The following LMNTD1 variants were observed in gnomAD, a reference collection of about 807,000 sequenced individuals.
LMNTD1 encodes the protein lamin tail domain containing 1, also known as lamin tail domain-containing protein 1.
A neutral mutation model predicts 50.9 loss-of-function variants in LMNTD1; 35 were observed. The observed-to-expected ratio is 0.69, with a 90% CI of 0.53 to 0.91. The LOEUF (loss-of-function observed/expected upper bound fraction) is 0.91. Ranked by LOEUF, LMNTD1 falls within the 40% of genes least tolerant of loss-of-function variation. The pLI, the probability that LMNTD1 is intolerant of heterozygous loss-of-function variation, is 0.00. For missense variants in LMNTD1, 470 were observed against 475.5 expected (o/e 0.99, Z 0.11); for synonymous variants, 153 against 161.9 (o/e 0.94, Z 0.42).
chr12:25,476,826 A>G (rs1345633718), intron 9 of LMNTD1, among the ~76,000 whole-genome samples: 1 of 152,222 alleles, frequency 6.6e-6, no homozygotes, highest in African/African-American at 2.4e-5. Flanking sequence ...GCCCTGGATA[A>G]CTGACTAATG....
chr12:25,549,619 C>T, intron 2 of LMNTD1, 73 bp from the exon 3 acceptor site: 1 of 765,870 alleles, frequency 1.3e-6, no homozygotes, highest in Non-Finnish European at 2.0e-6. Flanking sequence ...GAAGCATGGG[C>T]TATTATTATT....
Position 25,513,344 on chromosome 12 carries a change from A to AG in LMNTD1, c.1189+5450dup, listed in dbSNP as rs1432497105. Among the ~76,000 whole-genome samples the AG allele has an allele frequency of 9.7e-4, 148 of 152,338 alleles. 1 individual carries two copies. The highest frequency in any genetic ancestry group is 1.5e-5 in the Non-Finnish European group (1 of 68,022). Reference sequence around the variant, plus strand: ...ATTTGTACACAATTACACAATACAGAGGGGAAAAAACAACCCATGTGGCCA... The same window carrying AG: ...ATTTGTACACAATTACACAATACAGAGGGGGAAAAAACAACCCATGTGGCCA... On this transcript the variant is annotated intron_variant, in intron 8 of 9. Transcript: ENST00000458174.
intron 4 of LMNTD1, among the ~76,000 whole-genome samples, chr12:25,534,985 A>G (rs181094091): frequency 1.3e-5 from 2 of 152,364 alleles, no homozygotes; most frequent in East Asian, 1.9e-4. Context: ...AAAATCCACA[A>G]TTTCTGACAT....
At chr12:25,553,662 A>G (rs1035367161), upstream of LMNTD1, among the ~76,000 whole-genome samples, 2 of 152,214 alleles carry the variant, frequency 1.3e-5, no homozygotes, top group African/African-American at 4.8e-5. Context: ...TAGAAATCAT[A>G]AAATCAAAGC....
chr12:25,529,272 C>T (rs1942048486), intron 4 of LMNTD1, among the ~76,000 whole-genome samples: 1 of 152,110 alleles, frequency 6.6e-6, no homozygotes, highest in Admixed American at 6.5e-5. Context: ...CCTCATTTAT[C>T]CTTATAGGTG....
At chr12:25,498,223 G>GTTTT (rs1939174090) in intron 9 of LMNTD1, among the ~76,000 whole-genome samples, 1 of 152,044 alleles carries the variant, frequency 6.6e-6, no homozygotes, top group Non-Finnish European at 1.5e-5. Flanking sequence ...GTAGAATAAG[G>GTTTT]ACTGAGGATG....
intron 4 of LMNTD1, among the ~76,000 whole-genome samples, chr12:25,535,567 A>G (rs1631452): frequency 0.67 from 101,904 of 151,886 alleles, 34,567 homozygotes; most frequent in Admixed American, 0.73. Context: ...TCTTAAAAGC[A>G]GAATATTTGT....
intron 1 of LMNTD1, among the ~76,000 whole-genome samples, chr12:25,627,894 G>A (rs1426124272): frequency 6.6e-6 from 1 of 151,844 alleles, no homozygotes; most frequent in Admixed American, 6.6e-5. Context: ...CGGATCACGA[G>A]GTCAGGAGAT....
intron 9 of LMNTD1, among the ~76,000 whole-genome samples, chr12:25,479,226 A>G (rs561967153): frequency 9.2e-5 from 14 of 152,296 alleles, no homozygotes; most frequent in Non-Finnish European, 1.6e-4. Flanking sequence ...TACTGGTGGA[A>G]GCATTCCTCC....
At chr12:25,493,553 T>C (rs555099912) in intron 9 of LMNTD1, among the ~76,000 whole-genome samples, 7 of 152,288 alleles carry the variant, frequency 4.6e-5, no homozygotes, top group African/African-American at 1.4e-4. Context: ...TCCTTTGTTC[T>C]GATTCTTTGA....
At chr12:25,624,770 A>G (rs1946550202) in intron 1 of LMNTD1, among the ~76,000 whole-genome samples, 1 of 152,198 alleles carries the variant, frequency 6.6e-6, no homozygotes, top group African/African-American at 2.4e-5. Flanking sequence ...GCTTAGGATT[A>G]ATTACATTTA....
At position 25,476,322 on chromosome 12, in the gene LMNTD1, C is replaced by G. The variant is rs888808983; in HGVS notation, c.*161G>C. The G allele has an allele frequency of 3.3e-5, 5 of 152,174 alleles. No individual in the cohort carries two copies. The highest frequency in any genetic ancestry group is 9.7e-5 in the African/African-American group (4 of 41,428). The allele number at this position is 152,174 out of a possible 1,614,324, so 9.4% of individuals were successfully genotyped here. ...ATAATTCACCAATTCTACAGCAATACAAATTTTGGATCCTTTTTCCATATA... is the reference window on the plus strand; with the variant it reads ...ATAATTCACCAATTCTACAGCAATAGAAATTTTGGATCCTTTTTCCATATA... On this transcript the variant is annotated 3_prime_UTR_variant, in exon 10 of 10. Coordinates refer to ENST00000458174, the MANE Select transcript of LMNTD1 (RefSeq NM_001145728.2).
chr12:25,592,286 C>T (rs1945724308), intron 1 of LMNTD1, among the ~76,000 whole-genome samples: 1 of 152,190 alleles, frequency 6.6e-6, no homozygotes, highest in Non-Finnish European at 1.5e-5. Flanking sequence ...TGAACTATTG[C>T]TCCAGAATGA....
intron 1 of LMNTD1, among the ~76,000 whole-genome samples, chr12:25,605,585 T>C (rs1946080548): frequency 6.6e-6 from 1 of 152,214 alleles, no homozygotes; most frequent in Admixed American, 6.5e-5. Flanking sequence ...CCCAGCACCA[T>C]TTATTAAATA....
chr12:25,541,217 A>T lies in LMNTD1; in HGVS notation c.491+5157T>A, dbSNP rs928456610. On this transcript the variant is annotated intron_variant, in intron 4 of 9. Coordinates refer to ENST00000458174, the MANE Select transcript of LMNTD1 (RefSeq NM_001145728.2). ...CCAATGCCTTTCTTCACAGAATTGG[A>T]AAAAACTACTTTAAAGTTCATATGG... 5.6e-4 allele frequency among the ~76,000 whole-genome samples: 45 copies of T among 80,228 alleles called. 12 individuals carry two copies. In the Middle Eastern group the frequency reaches 0.021, roughly 37 times the overall value. 52.6% of individuals were successfully genotyped at this position (80,228 alleles called of 152,430 possible).
intron 4 of LMNTD1, among the ~76,000 whole-genome samples, chr12:25,539,620 C>T (rs1031445606): frequency 2.6e-5 from 4 of 151,652 alleles, no homozygotes; most frequent in Non-Finnish European, 5.9e-5. Flanking sequence ...CAAGAGAAAG[C>T]AGGAAAGATC....
chr12:25,490,858 G>T (rs1938858667), intron 9 of LMNTD1, among the ~76,000 whole-genome samples: 1 of 152,228 alleles, frequency 6.6e-6, no homozygotes, highest in African/African-American at 2.4e-5. Flanking sequence ...AGGTCTGGGT[G>T]GGTTCTAAGA....
intron 9 of LMNTD1, among the ~76,000 whole-genome samples, chr12:25,499,618 C>T (rs1025426869): frequency 6.6e-6 from 1 of 152,024 alleles, no homozygotes; most frequent in Non-Finnish European, 1.5e-5. Context: ...TTTAAATGTT[C>T]ACACCCTTCA....
intron 1 of LMNTD1, among the ~76,000 whole-genome samples, chr12:25,607,188 T>C (rs1185678491): frequency 6.6e-6 from 1 of 152,164 alleles, no homozygotes; most frequent in South Asian, 2.1e-4. Flanking sequence ...ATCCTCTTTA[T>C]CGTTTTTTAT....
Sources: gnomAD v4.1 joint callset for allele counts (sites outside exome capture counted in the v4.1 genomes callset) on GRCh38, gnomAD v4.1.1 for gene constraint, MANE v1.5 for transcripts, NCBI Gene and HGNC (gene_info 2026-07-23, HGNC 2026-07-21) for gene names.